Variants in GNAQ observed in about 807,000 individuals in gnomAD.
GNAQ encodes the protein guanine nucleotide-binding protein G(q) subunit alpha.
Under a neutral mutation model 43.9 loss-of-function variants are expected in GNAQ, and 8 were observed. The ratio of observed to expected loss-of-function variants is 0.18; its 90% CI spans 0.11 to 0.33. The LOEUF is 0.33. GNAQ is among the 10% of genes least tolerant of loss of function. GNAQ has a pLI of 1.00. For synonymous variants in GNAQ, 155 were observed against 170.7 expected (o/e 0.91, Z 0.71); for missense variants, 158 against 450.8 (o/e 0.35, Z 5.88).
chr9:77,846,259 C>T (rs966144292), intron 2 of GNAQ, among the ~76,000 whole-genome samples: 1 of 152,298 alleles, frequency 6.6e-6, no homozygotes, highest in African/African-American at 2.4e-5. Flanking sequence ...CAAGTCAGGG[C>T]CCTCAATTCC....
chr9:77,834,428 T>G (rs1318473937), intron 2 of GNAQ, among the ~76,000 whole-genome samples: 1 of 152,230 alleles, frequency 6.6e-6, no homozygotes, highest in Non-Finnish European at 1.5e-5. Context: ...CAACCTGAAT[T>G]GAGATTCTAT....
At chr9:77,774,035 G>T (rs1826269393) in intron 5 of GNAQ, among the ~76,000 whole-genome samples, 1 of 151,642 alleles carries the variant, frequency 6.6e-6, no homozygotes, top group Non-Finnish European at 1.5e-5. Context: ...TGGTACTCAA[G>T]AAAGACCTCA....
chr9:77,735,549 C>T (rs1261497863), intron 5 of GNAQ, among the ~76,000 whole-genome samples: 1 of 152,268 alleles, frequency 6.6e-6, no homozygotes, highest in South Asian at 2.1e-4. Flanking sequence ...TCTTTCCTCC[C>T]TTGATTGTTT....
chr9:77,904,593 A>G (rs1245879394), intron 2 of GNAQ, among the ~76,000 whole-genome samples: 1 of 151,896 alleles, frequency 6.6e-6, no homozygotes, highest in Non-Finnish European at 1.5e-5. Flanking sequence ...CGGCCTCCCA[A>G]AGTGCTGGGA....
intron 2 of GNAQ, among the ~76,000 whole-genome samples, chr9:77,860,344 G>A (rs1043110938): frequency 6.6e-6 from 1 of 152,140 alleles, no homozygotes; most frequent in African/African-American, 2.4e-5. Flanking sequence ...AGGTTGGTAT[G>A]ACTCTAAAGA....
Position 77,954,924 on chromosome 9 carries a change from G to A in GNAQ, c.137-32579C>T, listed in dbSNP as rs142548374. Among the ~76,000 whole-genome samples, 8 of 152,260 alleles carry A rather than the reference G, an allele frequency of 5.3e-5. No individual in the cohort carries two copies. The East Asian group carries it at 1.5e-3, about 29-fold the overall frequency. Reference sequence around the variant, plus strand: ...AGAAAATTCCATATTAGCACTCTGGGTAACATGTTCAATTTTCATTAAATT... The same window carrying A: ...AGAAAATTCCATATTAGCACTCTGGATAACATGTTCAATTTTCATTAAATT... On this transcript the variant is annotated intron_variant, in intron 1 of 6. Transcript: ENST00000286548.
intron 2 of GNAQ, among the ~76,000 whole-genome samples, chr9:77,895,640 G>T (rs566673633): frequency 6.6e-6 from 1 of 152,092 alleles, no homozygotes; most frequent in African/African-American, 2.4e-5. Flanking sequence ...GACAAGAAAC[G>T]GACTGGAAAA....
chr9:77,898,948 G>A (rs1022640907), intron 2 of GNAQ, among the ~76,000 whole-genome samples: 3 of 152,138 alleles, frequency 2.0e-5, no homozygotes, highest in African/African-American at 7.2e-5. Flanking sequence ...AGGACATATA[G>A]TTCTACTTCA....
chr9:77,838,596 G>A (rs17786735), intron 2 of GNAQ, among the ~76,000 whole-genome samples: 3,899 of 151,156 alleles, frequency 0.026, 71 homozygotes, highest in Non-Finnish European at 0.043. Flanking sequence ...AAGTAGAAAT[G>A]GGGTAGAATT....
At chr9:77,727,768 A>G (rs1825420308) in intron 6 of GNAQ, among the ~76,000 whole-genome samples, 1 of 152,204 alleles carries the variant, frequency 6.6e-6, no homozygotes, top group African/African-American at 2.4e-5. Context: ...ACTTGATGGT[A>G]GTTCTACAAA....
chr9:77,955,440 C>T (rs1395873267), intron 1 of GNAQ, among the ~76,000 whole-genome samples: 3 of 152,140 alleles, frequency 2.0e-5, no homozygotes, highest in Non-Finnish European at 4.4e-5. Flanking sequence ...TGCGCCGAGC[C>T]AAGAATGTTT....
intron 1 of GNAQ, among the ~76,000 whole-genome samples, chr9:77,937,867 G>C (rs748050419): frequency 5.4e-4 from 82 of 152,108 alleles, no homozygotes; most frequent in Non-Finnish European, 9.6e-4. Flanking sequence ...ACTCCAGTCT[G>C]GGCAACAAGA....
intron 5 of GNAQ, among the ~76,000 whole-genome samples, chr9:77,732,627 A>C (rs1825513299): frequency 6.6e-6 from 1 of 152,070 alleles, no homozygotes; most frequent in East Asian, 1.9e-4. Context: ...TGGCCTCCCA[A>C]AGTGCTGGGA....
intron 2 of GNAQ, among the ~76,000 whole-genome samples, chr9:77,836,892 T>C (rs1052508361): frequency 1.3e-5 from 2 of 152,028 alleles, no homozygotes; most frequent in East Asian, 3.9e-4. Flanking sequence ...ACAGGTGGAG[T>C]AGAGATAGGA....
intron 5 of GNAQ, among the ~76,000 whole-genome samples, chr9:77,760,012 T>G (rs1311791562): frequency 2.0e-5 from 3 of 150,272 alleles, no homozygotes; most frequent in African/African-American, 7.3e-5. Context: ...CCTCCTACCT[T>G]GGCTTTCCAA....
chr9:77,878,248 C>G (rs552397801), intron 2 of GNAQ, among the ~76,000 whole-genome samples: 65 of 147,738 alleles, frequency 4.4e-4, no homozygotes, highest in African/African-American at 1.5e-3. Flanking sequence ...TTTTTGAAAC[C>G]CTTCCAAACA....
At position 77,879,543 on chromosome 9, in the gene GNAQ, C is replaced by T. The variant is rs58171170; in HGVS notation, c.321+42618G>A. Among the ~76,000 whole-genome samples the T allele has an allele frequency of 1.6e-4, 25 of 152,356 alleles. No individual in the cohort carries two copies. In the East Asian group the frequency reaches 3.5e-3, roughly 21 times the overall value. ...GGGATTACAGGCATGAGCCACCACG[C>T]CCAGCCGATGCTGGATTTTTCTTAC... On this transcript the variant is annotated intron_variant, in intron 2 of 6. Transcript: ENST00000286548.
At chr9:77,796,004 A>G (rs1826652579) in intron 4 of GNAQ, among the ~76,000 whole-genome samples, 1 of 152,208 alleles carries the variant, frequency 6.6e-6, no homozygotes, top group Non-Finnish European at 1.5e-5. Flanking sequence ...TGTTTTCTAA[A>G]AATATTTTGT....
At chr9:77,755,847 CG>C (rs1339862964) in intron 5 of GNAQ, among the ~76,000 whole-genome samples, 1 of 152,028 alleles carries the variant, frequency 6.6e-6, no homozygotes, top group Non-Finnish European at 1.5e-5. Flanking sequence ...GGATTTGTGA[CG>C]GTTAATACTG....
Sources: gnomAD v4.1 joint callset for allele counts (sites outside exome capture counted in the v4.1 genomes callset) on GRCh38, gnomAD v4.1.1 for gene constraint, MANE v1.5 for transcripts, NCBI Gene and HGNC (gene_info 2026-07-23, HGNC 2026-07-21) for gene names.